The following NUP205 variants were observed in gnomAD, a reference collection of about 807,000 sequenced individuals.
NUP205 encodes nuclear pore complex protein Nup205.
NUP205 carries 76 observed loss-of-function variants against 253.8 expected under a neutral mutation model. The observed-to-expected ratio is 0.30, with a 90% confidence interval of 0.25 to 0.36. The LOEUF is 0.36. NUP205 is among the 10% of genes least tolerant of loss of function. The probability of loss-of-function intolerance (pLI) is 1.00; values close to 1 mark genes in which losing one functional copy is unlikely to be tolerated. For missense variants in NUP205, 2,162 were observed against 2,425.5 expected (o/e 0.89, Z 2.28); for synonymous variants, 832 against 850.1 (o/e 0.98, Z 0.37).
Position 135,604,493 on chromosome 7 carries a change from G to A in NUP205, c.2823+33G>A, listed in dbSNP as rs76097323. ...ATTTTGTTGCTCTTGTTATTTTTTG[G>A]TGCATTTTGCATTTTGACTATATAT... On this transcript the variant is annotated intron_variant, in intron 19 of 42. Transcript: ENST00000285968. The A allele has an allele frequency of 4.5e-4, 721 of 1,586,636 alleles. 10 individuals carry two copies. In the East Asian group the frequency reaches 0.016, roughly 35 times the overall value.
chr7:135,645,851 C>G (rs1794997182), intron 41 of NUP205: 1 of 574,224 alleles, frequency 1.7e-6, no homozygotes, highest in African/African-American at 1.9e-5. Context: ...GGGGCTGATC[C>G]AGCTCTAGAA....
chr7:135,621,730 A>G (rs934136725), intron 30 of NUP205, among the ~76,000 whole-genome samples: 1 of 152,202 alleles, frequency 6.6e-6, no homozygotes, highest in Non-Finnish European at 1.5e-5. Flanking sequence ...AAAAAAGAAT[A>G]AAAATATCTG....
intron 16 of NUP205, 68 bp downstream of exon 16, chr7:135,601,037 A>G: frequency 2.6e-6 from 2 of 772,268 alleles, no homozygotes; most frequent in Non-Finnish European, 2.1e-6. Context: ...TGGCTATGTT[A>G]TATATAAATT....
intron 38 of NUP205, 87 bp from the exon 39 acceptor site, chr7:135,643,105 G>T: frequency 8.0e-7 from 1 of 1,253,886 alleles, no homozygotes. Flanking sequence ...TAAATTCTGG[G>T]GCATCCCTTG....
At chr7:135,627,064 T>C (rs935514581) in intron 33 of NUP205, among the ~76,000 whole-genome samples, 2 of 152,200 alleles carry the variant, frequency 1.3e-5, no homozygotes, top group African/African-American at 4.8e-5. Flanking sequence ...ATGAGAGTTA[T>C]TACTTTCACC....
chr7:135,560,783 A>G (rs912199589), intron 1 of NUP205, among the ~76,000 whole-genome samples: 1 of 152,180 alleles, frequency 6.6e-6, no homozygotes, highest in Non-Finnish European at 1.5e-5. Context: ...AGTCATACTC[A>G]TAGAAACAGA....
At position 135,637,346 on chromosome 7, in the gene NUP205, A is replaced by G. The variant is rs143051640; in HGVS notation, c.5137-585A>G. On this transcript the variant is annotated intron_variant, in intron 36 of 42. Coordinates refer to ENST00000285968, the MANE Select transcript of NUP205 (RefSeq NM_015135.3). ...CGGCTAACCTCTGGATATACTGCCA[A>G]TATTGAAAAGCTTGTCCTTTCTCTT... Among the ~76,000 whole-genome samples the G allele has an allele frequency of 9.1e-3, 1,394 of 152,354 alleles. 12 individuals carry two copies. Among genetic ancestry groups the G allele is most frequent in the Admixed American group, 0.015 (231 of 15,300 alleles).
Position 135,648,554 on chromosome 7 carries a change from TGA to T in NUP205, c.*2_*3del, listed in dbSNP as rs1795059724. On this transcript the variant is annotated frameshift_variant and stop_lost, in exon 43 of 43. Coordinates refer to ENST00000285968, the MANE Select transcript of NUP205 (RefSeq NM_015135.3). LOFTEE classifies it high-confidence loss of function. ...IRGLLRISRN[*>X] Reference sequence around the variant, plus strand: ...TGGCCTCTTGAGGATATCAAGGAACTGAGAGCCCGTGCTTATGCTCTTCTATG... The same window carrying T: ...TGGCCTCTTGAGGATATCAAGGAACTGAGCCCGTGCTTATGCTCTTCTATG... 1 of 1,549,780 alleles carries T rather than the reference TGA, an allele frequency of 6.5e-7. No homozygotes were observed. The highest frequency in any genetic ancestry group is 8.7e-7 in the Non-Finnish European group (1 of 1,153,242).
chr7:135,558,658 TTGAA>T (rs1350930077), intron 1 of NUP205, among the ~76,000 whole-genome samples: 2 of 152,192 alleles, frequency 1.3e-5, no homozygotes, highest in East Asian at 1.9e-4. Context: ...CCAGTGGTGT[TTGAA>T]TGAGTGAGTG....
At chr7:135,564,266 A>G (rs1307088578) in intron 1 of NUP205, among the ~76,000 whole-genome samples, 3 of 109,398 alleles carry the variant, frequency 2.7e-5, no homozygotes, top group African/African-American at 1.0e-4. Context: ...TTTTTTTTTG[A>G]GACGGAGTCT....
At chr7:135,640,677 C>A (rs944515049) in intron 38 of NUP205, among the ~76,000 whole-genome samples, 1 of 152,054 alleles carries the variant, frequency 6.6e-6, no homozygotes. Flanking sequence ...CATATTAAGA[C>A]AAACTAAGTC....
At chr7:135,587,499 A>T in intron 8 of NUP205, 76 bp from the exon 9 acceptor site, 1 of 771,168 alleles carries the variant, frequency 1.3e-6, no homozygotes, top group Non-Finnish European at 2.0e-6. Context: ...TCACTTTAAG[A>T]CAGTTGCCTG....
At position 135,594,530 on chromosome 7, in the gene NUP205, T is replaced by C. The variant is rs773186452; in HGVS notation, c.1831-17T>C. The C allele has an allele frequency of 6.4e-7, 1 of 1,563,060 alleles. No homozygotes were observed. Among genetic ancestry groups the C allele is most frequent in the South Asian group, 1.2e-5 (1 of 84,268 alleles). ...TTTAAAAATGGAAAGTCTCATTCTT[T>C]TTGTGTCAATTCTTAGAGTGAAAAT... is the stretch of plus-strand genomic sequence containing the variant. On this transcript the variant is annotated splice_polypyrimidine_tract_variant and intron_variant, in intron 12 of 42. Coordinates refer to ENST00000285968, the MANE Select transcript of NUP205 (RefSeq NM_015135.3).
At chr7:135,581,482 C>T (rs1400781576) in intron 7 of NUP205, among the ~76,000 whole-genome samples, 1 of 151,782 alleles carries the variant, frequency 6.6e-6, no homozygotes. Flanking sequence ...AGGAGAGAGG[C>T]TGTAGTGAGC....
chr7:135,597,102 T>C (rs1477812025), intron 13 of NUP205: 2 of 391,978 alleles, frequency 5.1e-6, no homozygotes, highest in Non-Finnish European at 9.1e-6. Flanking sequence ...TTTCCTAGAA[T>C]ATCTGAGAGG....
At chr7:135,605,405 T>C (rs992427411) in intron 19 of NUP205, among the ~76,000 whole-genome samples, 2 of 152,192 alleles carry the variant, frequency 1.3e-5, no homozygotes, top group African/African-American at 4.8e-5. Context: ...ACAGATCTTA[T>C]TTTGTGTGTT....
intron 22 of NUP205, among the ~76,000 whole-genome samples, chr7:135,613,247 G>T (rs1277880270): frequency 6.6e-6 from 1 of 151,418 alleles, no homozygotes; most frequent in Admixed American, 6.6e-5. Context: ...TTTACCATCT[G>T]GGGTACTTAG....
chr7:135,574,626 A>G (rs993628502), intron 3 of NUP205, among the ~76,000 whole-genome samples: 8 of 152,202 alleles, frequency 5.3e-5, no homozygotes. Flanking sequence ...AGATGCAGAT[A>G]CAGCAGGAAT....
intron 35 of NUP205, among the ~76,000 whole-genome samples, chr7:135,633,387 A>C (rs1794751978): frequency 6.6e-6 from 1 of 152,122 alleles, no homozygotes; most frequent in African/African-American, 2.4e-5. Context: ...GTAGCTGAGA[A>C]TACAGCACAC....
Sources: allele counts gnomAD v4.1 joint callset (sites outside exome capture counted in the v4.1 genomes callset), GRCh38; gene constraint gnomAD v4.1.1; transcripts MANE v1.5; gene names NCBI Gene and HGNC (gene_info 2026-07-23, HGNC 2026-07-21).